ARSG: variants seen among roughly 807,000 people sequenced by gnomAD.
ARSG encodes the protein arylsulfatase G.
Under a neutral mutation model 50.5 loss-of-function variants are expected in ARSG, and 37 were observed. The ratio of observed to expected loss-of-function variants is 0.73; its 90% CI spans 0.56 to 0.96. ARSG has a LOEUF of 0.96. ARSG is among the 50% of genes least tolerant of loss of function. ARSG has a pLI of 0.00. For synonymous variants in ARSG, 225 were observed against 254.6 expected, an observed-to-expected ratio of 0.88 and a Z score of 1.11; for missense variants, 629 against 675.3, an observed-to-expected ratio of 0.93 and a Z score of 0.76.
At chr17:68,323,845 G>T (rs534965367) in intron 2 of ARSG, among the ~76,000 whole-genome samples, 16 of 152,246 alleles carry the variant, frequency 1.1e-4, no homozygotes, top group Non-Finnish European at 1.2e-4. Context: ...GGCCGAAGCG[G>T]GTGGATCACC....
chr17:68,406,993 A>G (rs1486836378), intron 11 of ARSG, among the ~76,000 whole-genome samples: 1 of 152,180 alleles, frequency 6.6e-6, no homozygotes, highest in East Asian at 1.9e-4. Context: ...TAGAATTTTT[A>G]TAGTTTCAGG....
chr17:68,317,979 A>G (rs925356233), intron 2 of ARSG, among the ~76,000 whole-genome samples: 184 of 151,976 alleles, frequency 1.2e-3, no homozygotes, highest in African/African-American at 4.3e-3. Flanking sequence ...GGTGCCTGTA[A>G]TCCCAGCTAC....
At position 68,271,604 on chromosome 17, in the gene ARSG, C is replaced by T. The variant is rs1253353656; in HGVS notation, c.-552+12178C>T. The T allele has an allele frequency of 1.4e-5, 23 of 1,613,858 alleles. No individual in the cohort carries two copies. The highest frequency in any genetic ancestry group is 2.2e-5 in the South Asian group (2 of 91,092). On this transcript the variant is annotated intron_variant, in intron 1 of 11. Transcript: ENST00000448504. This position sits in a 1 kb window ranked among gnomAD's most constrained non-coding sequence, Gnocchi z 5.3. ...ACAATGTTTAACTGTAGTAGGCCCA[C>T]GAAGAGGAGGCTGTATCTCCAGCCA...
Position 68,370,445 on chromosome 17 carries a change from A to G in ARSG, c.903A>G (p.Gly301=), listed in dbSNP as rs111630893. The G allele has an allele frequency of 7.0e-4, 1,131 of 1,613,970 alleles. 15 individuals carry two copies. In the South Asian group the frequency reaches 0.012, roughly 17 times the overall value. Residue 301 remains glycine, a splice_region_variant and synonymous_variant, in exon 8 of 12, where the codon GGA becomes GGG. Transcript: ENST00000621439. The part of the protein sequence containing the change: ...VKENTFLWFT[G]DNGPWAQKCE... The stretch of plus-strand genomic sequence containing the variant: ...ATTAATGCTTTTTCTGGTTTCTAGG[A>G]GACAATGGCCCGTGGGCTCAGAAGT...
chr17:68,331,237 C>CTTTCATTG (rs2077747346), intron 2 of ARSG, among the ~76,000 whole-genome samples: 1 of 72,792 alleles, frequency 1.4e-5, no homozygotes. Context: ...TTCTTTGTTT[C>CTTTCATTG]TTTCTTTCTT....
chr17:68,259,572 C>G (rs1371665136), intron 1 of ARSG: 2 of 152,202 alleles, frequency 1.3e-5, no homozygotes, highest in East Asian at 3.8e-4. Flanking sequence ...CTTGATGTTT[C>G]TAGTAGTCGT....
chr17:68,291,999 C>T (rs1356981134), intron 1 of ARSG, among the ~76,000 whole-genome samples: 2 of 152,028 alleles, frequency 1.3e-5, no homozygotes, highest in East Asian at 1.9e-4. Context: ...GCCTGAGTTC[C>T]TCCTGCAGCG....
chr17:68,445,147 C>T, the ARSG span, among the ~76,000 whole-genome samples: 55 of 152,120 alleles, frequency 3.6e-4, no homozygotes, highest in African/African-American at 1.1e-3. Context: ...CTCGAACTCC[C>T]GACCTCAGGT....
chr17:68,450,051 C>A, the ARSG span, among the ~76,000 whole-genome samples: 1 of 152,104 alleles, frequency 6.6e-6, no homozygotes, highest in Non-Finnish European at 1.5e-5. Flanking sequence ...CCCAGCAATT[C>A]AAAAGGAAAT....
At chr17:68,274,936 A>G (rs946957419) in intron 1 of ARSG, among the ~76,000 whole-genome samples, 3 of 152,054 alleles carry the variant, frequency 2.0e-5, no homozygotes, top group Non-Finnish European at 2.9e-5. Context: ...ATGTGCCACC[A>G]TGCCCGGCTG....
intron 8 of ARSG, among the ~76,000 whole-genome samples, chr17:68,372,662 A>G (rs2079907431): frequency 6.6e-6 from 1 of 152,088 alleles, no homozygotes; most frequent in Non-Finnish European, 1.5e-5. Flanking sequence ...ACTGGGGATT[A>G]CAATTCGTCA....
At chr17:68,341,992 G>T (rs1403547336) in intron 2 of ARSG, among the ~76,000 whole-genome samples, 2 of 151,318 alleles carry the variant, frequency 1.3e-5, no homozygotes, top group Non-Finnish European at 2.9e-5. Context: ...GCTGATTTTT[G>T]TATTTTTTGT....
At chr17:68,406,496 T>C (rs8079550) in intron 11 of ARSG, among the ~76,000 whole-genome samples, 2,836 of 152,300 alleles carry the variant, frequency 0.019, 99 homozygotes, top group African/African-American at 0.065. Flanking sequence ...TACATTCCCA[T>C]CAGCAGTGTA....
In ARSG at chr17:68,340,289, TTG is replaced by T. The variant is rs140763389; in HGVS notation, c.219-3300_219-3299del. ...CAATCAAATACACTAATTGTTCTTT[TTG>T]TGTGTGTGTGTGTGACTGAGTCTTG... On this transcript the variant is annotated intron_variant, in intron 2 of 11. Coordinates refer to ENST00000621439, the MANE Select transcript of ARSG (RefSeq NM_001267727.2). Among the ~76,000 whole-genome samples the T allele has an allele frequency of 9.3e-3, 1,403 of 151,020 alleles. 19 individuals carry two copies. The highest frequency in any genetic ancestry group is 0.031 in the African/African-American group (1,267 of 41,290).
At chr17:68,325,567 A>G (rs965900836) in intron 2 of ARSG, among the ~76,000 whole-genome samples, 21 of 152,102 alleles carry the variant, frequency 1.4e-4, no homozygotes, top group African/African-American at 4.1e-4. Context: ...TAGCTGACCT[A>G]CAGTATAATA....
At chr17:68,361,499 A>G (rs958619790) in intron 6 of ARSG, among the ~76,000 whole-genome samples, 1 of 151,328 alleles carries the variant, frequency 6.6e-6, no homozygotes, top group Non-Finnish European at 1.5e-5. Flanking sequence ...AGATTGCTTG[A>G]GCTCAGGCGT....
intron 2 of ARSG, among the ~76,000 whole-genome samples, chr17:68,316,434 G>A (rs782073651): frequency 6.6e-6 from 1 of 152,150 alleles, no homozygotes; most frequent in East Asian, 1.9e-4. Context: ...TCTTATTTAT[G>A]TCTTCAGTGG....
intron 3 of ARSG, 121 bp downstream of exon 3, chr17:68,343,912 T>G: frequency 9.8e-7 from 1 of 1,016,848 alleles, no homozygotes; most frequent in Non-Finnish European, 1.4e-6. Context: ...GAGTTAGGGA[T>G]GCTCTCAGCT....
the ARSG span, among the ~76,000 whole-genome samples, chr17:68,447,984 CA>C: frequency 0.62 from 49,835 of 80,016 alleles, 12,952 homozygotes; most frequent in Middle Eastern, 0.69. Flanking sequence ...GACTCTATCT[CA>C]AAAAAAAAAA....
Sources: allele counts gnomAD v4.1 joint callset (sites outside exome capture counted in the v4.1 genomes callset), GRCh38; gene constraint gnomAD v4.1.1; non-coding constraint Gnocchi (gnomAD v3.1); transcripts MANE v1.5; gene names NCBI Gene and HGNC (gene_info 2026-07-23, HGNC 2026-07-21).